Variants in MRTFB observed in about 807,000 individuals in gnomAD.
MRTFB encodes the protein myocardin related transcription factor B, also known as myocardin-related transcription factor B.
In MRTFB, 29 loss-of-function variants were observed where a neutral mutation model predicts 104.2. That is an observed-to-expected ratio of 0.28 (90% CI 0.21 to 0.38). The LOEUF (loss-of-function observed/expected upper bound fraction) is 0.38. Among genes scored for constraint, MRTFB ranks in the 10% least tolerant of loss-of-function variants. The pLI is 1.00. For synonymous variants in MRTFB, 535 were observed against 519.5 expected, an observed-to-expected ratio of 1.03 and a Z score of -0.41; for missense variants, 1,270 against 1,341.6, an observed-to-expected ratio of 0.95 and a Z score of 0.83.
the MRTFB span, among the ~76,000 whole-genome samples, chr16:14,032,771 C>G: frequency 1.3e-5 from 2 of 152,044 alleles, no homozygotes; most frequent in South Asian, 4.2e-4. Flanking sequence ...TATAGGACAC[C>G]CAGTTGGTGT....
At chr16:14,115,832 G>A (rs2036516695) in intron 2 of MRTFB, among the ~76,000 whole-genome samples, 1 of 152,148 alleles carries the variant, frequency 6.6e-6, no homozygotes, top group South Asian at 2.1e-4. Flanking sequence ...TGTAATAGGT[G>A]CATATTTTGG....
the MRTFB span, chr16:14,016,156 G>A: frequency 5.1e-6 from 2 of 394,380 alleles, no homozygotes; most frequent in Non-Finnish European, 8.9e-6. Context: ...CTGACTCATA[G>A]GAATGCTGTT....
At chr16:14,021,225 A>G in the MRTFB span, 1 of 152,288 alleles carries the variant, frequency 6.6e-6, no homozygotes, top group African/African-American at 2.4e-5. Flanking sequence ...TGTTGGCAGG[A>G]CCAGCTCTGG....
chr16:14,170,522 A>G (rs1400190831), intron 3 of MRTFB: 4 of 152,232 alleles, frequency 2.6e-5, no homozygotes, highest in Non-Finnish European at 4.4e-5. Flanking sequence ...TTCAATGGCT[A>G]TACAATATCA....
intron 2 of MRTFB, among the ~76,000 whole-genome samples, chr16:14,128,932 CTTG>C (rs1157437529): frequency 6.6e-6 from 1 of 152,230 alleles, no homozygotes; most frequent in Non-Finnish European, 1.5e-5. Flanking sequence ...CAAAAATCTC[CTTG>C]TTATCAGCTC....
At chr16:14,152,427 A>G (rs2038660453) in intron 3 of MRTFB, 1 of 152,116 alleles carries the variant, frequency 6.6e-6, no homozygotes, top group Non-Finnish European at 1.5e-5. Flanking sequence ...CTTCTATGAA[A>G]TCTTGGTGTA....
intron 2 of MRTFB, among the ~76,000 whole-genome samples, chr16:14,108,491 A>C (rs2036110004): frequency 6.6e-6 from 1 of 152,214 alleles, no homozygotes; most frequent in African/African-American, 2.4e-5. Context: ...TGGACAACAT[A>C]ATCATCTGTC....
In MRTFB at chr16:14,175,341, G is replaced by A. The variant is rs2039545676; in HGVS notation, c.154+34581G>A. 2.6e-5 allele frequency among the ~76,000 whole-genome samples: 4 copies of A among 152,254 alleles called. No individual in the cohort carries two copies. The South Asian group carries it at 6.2e-4, about 24-fold the overall frequency. On this transcript the variant is annotated intron_variant, in intron 3 of 16. Transcript: ENST00000571589. Reference sequence around the variant, plus strand: ...ATTCCTCTTTCCATCTCAGTCTCTAGGCAACTACTCATGTATAAATGGAAT... The same window carrying A: ...ATTCCTCTTTCCATCTCAGTCTCTAAGCAACTACTCATGTATAAATGGAAT...
intron 2 of MRTFB, among the ~76,000 whole-genome samples, chr16:14,114,266 G>T (rs2036423146): frequency 6.6e-6 from 1 of 152,172 alleles, no homozygotes; most frequent in Non-Finnish European, 1.5e-5. Flanking sequence ...TATTGCTGAT[G>T]ACCTAATTTT....
At chr16:14,099,380 G>A (rs2035570627) in intron 2 of MRTFB, among the ~76,000 whole-genome samples, 1 of 137,624 alleles carries the variant, frequency 7.3e-6, no homozygotes, top group Non-Finnish European at 1.5e-5. Flanking sequence ...TTTTTTTGGT[G>A]GGTTTTTTTT....
At chr16:14,258,614 A>G (rs2043620673) in intron 16 of MRTFB, among the ~76,000 whole-genome samples, 2 of 152,254 alleles carry the variant, frequency 1.3e-5, no homozygotes, top group Admixed American at 1.3e-4. Flanking sequence ...AACAAAGACC[A>G]GATAGCAAAG....
At chr16:14,235,701 G>A (rs2042467599) in intron 9 of MRTFB, among the ~76,000 whole-genome samples, 1 of 152,148 alleles carries the variant, frequency 6.6e-6, no homozygotes, top group African/African-American at 2.4e-5. Context: ...GGGCTGATAG[G>A]TAGTAGCAGA....
At position 14,127,092 on chromosome 16, in the gene MRTFB, A is replaced by G. The variant is rs180830662; in HGVS notation, c.-63-13452A>G. Reference sequence around the variant, plus strand: ...GTTAACTAACTTGCCCATAGTCACGATTTTTGTAATTTGTGAAGCTGGGAT... The same window carrying G: ...GTTAACTAACTTGCCCATAGTCACGGTTTTTGTAATTTGTGAAGCTGGGAT... On this transcript the variant is annotated intron_variant, in intron 2 of 16. Transcript: ENST00000571589. Among the ~76,000 whole-genome samples, 751 of 152,322 alleles carry G rather than the reference A, an allele frequency of 4.9e-3. 4 individuals are homozygous for G. The highest frequency in any genetic ancestry group is 8.7e-3 in the Non-Finnish European group (593 of 68,024).
Position 14,071,384 on chromosome 16 carries a change from C to T in MRTFB, c.-129+19C>T, listed in dbSNP as rs2033676378. The T allele has an allele frequency of 6.2e-6, 1 of 162,404 alleles. No individual in the cohort carries two copies. The highest frequency in any genetic ancestry group is 1.3e-5 in the Non-Finnish European group (1 of 77,856). The allele number at this position is 162,404 out of a possible 1,614,324, so 10.1% of individuals were successfully genotyped here. A position where few individuals can be genotyped will look rare whatever the true frequency, so the allele number is the denominator to read the frequency against. On this transcript the variant is annotated intron_variant, in intron 1 of 16. Coordinates refer to ENST00000571589, the MANE Select transcript of MRTFB (RefSeq NM_001308142.2). ...CGGGGAGGTGAGCGGCGGGCGGTGG[C>T]GGCCGTTGGGGGCTGAGGCCGGGTG...
At chr16:14,016,892 A>C in the MRTFB span, among the ~76,000 whole-genome samples, 1 of 151,908 alleles carries the variant, frequency 6.6e-6, no homozygotes, top group East Asian at 1.9e-4. Context: ...CAATTAGATC[A>C]TCACATTCCC....
chr16:14,078,254 A>G (rs1227070872), intron 1 of MRTFB, among the ~76,000 whole-genome samples: 1 of 152,200 alleles, frequency 6.6e-6, no homozygotes, highest in East Asian at 1.9e-4. Context: ...TGCACACCAA[A>G]TAATGCCCTG....
rs557599986 is a variant in MRTFB, at chr16:14,156,653, A to G, written c.154+15893A>G. 1.3e-5 allele frequency among the ~76,000 whole-genome samples: 2 copies of G among 152,308 alleles called. 1 individual carries two copies. Among genetic ancestry groups the G allele is most frequent in the South Asian group, 4.2e-4 (2 of 4,818 alleles). On this transcript the variant is annotated intron_variant, in intron 3 of 16. Transcript: ENST00000571589. ...TTTAAATTTGAAGCCTCAAGGAGGAAAGGTTTCACTGGTTGGCAGAATCCA... is the reference window on the plus strand; with the variant it reads ...TTTAAATTTGAAGCCTCAAGGAGGAGAGGTTTCACTGGTTGGCAGAATCCA...
At chr16:14,014,428 C>T in the MRTFB span, among the ~76,000 whole-genome samples, 5 of 151,812 alleles carry the variant, frequency 3.3e-5, no homozygotes, top group Admixed American at 2.0e-4. Flanking sequence ...TGGTGGCACA[C>T]GCCTACAGTC....
intron 1 of MRTFB, among the ~76,000 whole-genome samples, 186 bp downstream of exon 1, chr16:14,071,551 G>T (rs541618962): frequency 4.6e-4 from 69 of 151,406 alleles, no homozygotes; most frequent in African/African-American, 1.5e-3. Context: ...GGGGCGGGGC[G>T]GCCGGGGCCG....
Sources: allele counts gnomAD v4.1 joint callset (sites outside exome capture counted in the v4.1 genomes callset), GRCh38; gene constraint gnomAD v4.1.1; transcripts MANE v1.5; gene names NCBI Gene and HGNC (gene_info 2026-07-23, HGNC 2026-07-21).